Variants in CCDC170 observed in about 807,000 individuals in gnomAD.
The protein encoded by CCDC170 is coiled-coil domain containing 170, also known as coiled-coil domain-containing protein 170.
In CCDC170, 69 loss-of-function variants were observed where a neutral mutation model predicts 72.6. The ratio of observed to expected loss-of-function variants is 0.95; its 90% CI spans 0.78 to 1.16. The LOEUF (loss-of-function observed/expected upper bound fraction) is 1.16. Ranked by LOEUF, CCDC170 falls within the 50% of genes most tolerant of loss-of-function variation. The pLI is 0.00. For missense variants in CCDC170, 852 were observed against 832.5 expected (o/e 1.02, Z -0.29); for synonymous variants, 300 against 303.9 (o/e 0.99, Z 0.13).
At chr6:151,535,923 T>A (rs552939560) in intron 1 of CCDC170, among the ~76,000 whole-genome samples, 40 of 152,146 alleles carry the variant, frequency 2.6e-4, no homozygotes, top group African/African-American at 9.2e-4. Flanking sequence ...TAAAAAAAAT[T>A]TTTTTTCTTT....
chr6:151,573,703 C>T (rs1776262631), intron 6 of CCDC170, among the ~76,000 whole-genome samples: 1 of 152,186 alleles, frequency 6.6e-6, no homozygotes, highest in Non-Finnish European at 1.5e-5. Context: ...GGAGCAAAGG[C>T]ACATCTTACG....
At chr6:151,603,990 A>G (rs1776747484) in intron 9 of CCDC170, among the ~76,000 whole-genome samples, 1 of 152,220 alleles carries the variant, frequency 6.6e-6, no homozygotes, top group Non-Finnish European at 1.5e-5. Context: ...GTGGAGAGCC[A>G]TCAGCTATCA....
At chr6:151,572,059 G>T (rs1776226351) in intron 5 of CCDC170, among the ~76,000 whole-genome samples, 1 of 152,090 alleles carries the variant, frequency 6.6e-6, no homozygotes, top group Non-Finnish European at 1.5e-5. Flanking sequence ...TTACCAAGTT[G>T]CCCAGGCTGG....
chr6:151,575,517 TTTTC>T (rs1296593666), intron 6 of CCDC170, among the ~76,000 whole-genome samples: 2 of 119,018 alleles, frequency 1.7e-5, no homozygotes, highest in East Asian at 5.3e-4. Flanking sequence ...TTTTCTTTTC[TTTTC>T]TTTCTTTTTT....
intron 10 of CCDC170, among the ~76,000 whole-genome samples, chr6:151,617,343 C>T (rs1776983879): frequency 1.4e-5 from 2 of 145,746 alleles, no homozygotes; most frequent in South Asian, 2.3e-4. Context: ...ATCTGTGTGA[C>T]ATGACTTGAT....
chr6:151,546,421 T>C (rs1477042093), intron 4 of CCDC170, among the ~76,000 whole-genome samples: 1 of 152,202 alleles, frequency 6.6e-6, no homozygotes, highest in Non-Finnish European at 1.5e-5. Flanking sequence ...CTCCAGGTGC[T>C]AATCAGGGTG....
chr6:151,551,923 T>A (rs1782884692), intron 5 of CCDC170, among the ~76,000 whole-genome samples: 1 of 152,196 alleles, frequency 6.6e-6, no homozygotes. Flanking sequence ...CATTTCACAT[T>A]CACATTTCAC....
intron 5 of CCDC170, among the ~76,000 whole-genome samples, chr6:151,549,222 A>G (rs1296568530): frequency 6.6e-6 from 1 of 151,992 alleles, no homozygotes; most frequent in African/African-American, 2.4e-5. Context: ...TGTTTAATAG[A>G]GACAGGGTTT....
chr6:151,548,226 T>G, intron 4 of CCDC170, 78 bp from the exon 5 acceptor site: 1 of 1,244,924 alleles, frequency 8.0e-7, no homozygotes, highest in Non-Finnish European at 1.1e-6. Context: ...GATAATGCAG[T>G]CTATAGATGT....
chr6:151,555,411 A>G (rs941006706), intron 5 of CCDC170, among the ~76,000 whole-genome samples: 5 of 152,258 alleles, frequency 3.3e-5, no homozygotes. Flanking sequence ...AGAAATGACT[A>G]GATGAGATAG....
chr6:151,526,079 CCTTCCTTCCTTCCTTT>C (rs956226528), intron 1 of CCDC170, among the ~76,000 whole-genome samples: 3 of 146,496 alleles, frequency 2.0e-5, no homozygotes, highest in African/African-American at 8.0e-5. Flanking sequence ...GTCCTTCCTT[CCTTCCTTCCTTCCTTT>C]CTTCCTTCCT....
At chr6:151,553,553 C>T (rs188405184) in intron 5 of CCDC170, among the ~76,000 whole-genome samples, 3 of 152,124 alleles carry the variant, frequency 2.0e-5, no homozygotes, top group Non-Finnish European at 4.4e-5. Flanking sequence ...AAATGCATCT[C>T]TAGAGATCAG....
chr6:151,615,017 C>T (rs991833740), intron 9 of CCDC170, among the ~76,000 whole-genome samples: 12 of 152,226 alleles, frequency 7.9e-5, no homozygotes, highest in Admixed American at 2.0e-4. Context: ...TAAGGTGGGG[C>T]TCTCATGGGA....
chr6:151,512,162 G>GTTTTTTTTTTT (rs546546640), intron 1 of CCDC170, among the ~76,000 whole-genome samples: 1 of 126,452 alleles, frequency 7.9e-6, no homozygotes, highest in African/African-American at 3.0e-5. Context: ...GTTTTTTTTT[G>GTTTTTTTTTTT]TTTTTTTTTT....
At chr6:151,610,461 GC>G (rs2115138927) in intron 9 of CCDC170, among the ~76,000 whole-genome samples, 1 of 152,220 alleles carries the variant, frequency 6.6e-6, no homozygotes, top group East Asian at 1.9e-4. Flanking sequence ...ACTATATTTT[GC>G]CTGGAGAGAG....
intron 6 of CCDC170, among the ~76,000 whole-genome samples, chr6:151,577,759 A>G (rs892708809): frequency 7.2e-5 from 11 of 152,288 alleles, no homozygotes; most frequent in African/African-American, 2.6e-4. Flanking sequence ...TTGCTTCCTG[A>G]GTTCACCTCC....
chr6:151,592,868 A>G (rs1031309834), intron 7 of CCDC170, among the ~76,000 whole-genome samples: 2 of 152,194 alleles, frequency 1.3e-5, no homozygotes, highest in African/African-American at 4.8e-5. Context: ...ATAATATTCG[A>G]TTGAACATGA....
intron 8 of CCDC170, among the ~76,000 whole-genome samples, 163 bp downstream of exon 8, chr6:151,593,443 G>A (rs1776574855): frequency 1.3e-5 from 2 of 151,806 alleles, no homozygotes; most frequent in Admixed American, 6.5e-5. Flanking sequence ...TGAAGAGTTG[G>A]TAAGTGTATC....
At chr6:151,501,674 C>T (rs1474815326) in intron 1 of CCDC170, among the ~76,000 whole-genome samples, 1 of 152,104 alleles carries the variant, frequency 6.6e-6, no homozygotes, top group Non-Finnish European at 1.5e-5. Context: ...TTTTTGAATG[C>T]CAAACTTTTT....
Sources: allele counts gnomAD v4.1 joint callset (sites outside exome capture counted in the v4.1 genomes callset), GRCh38; gene constraint gnomAD v4.1.1; transcripts MANE v1.5; gene names NCBI Gene and HGNC (gene_info 2026-07-23, HGNC 2026-07-21).